Variants in CHRDL2 observed in about 807,000 individuals in gnomAD.
CHRDL2 encodes the protein chordin like 2, also known as chordin-like protein 2.
Under a neutral mutation model 54.3 loss-of-function variants are expected in CHRDL2, and 41 were observed. That is an observed-to-expected ratio of 0.76 (90% confidence interval 0.59 to 0.98). The LOEUF (loss-of-function observed/expected upper bound fraction) is 0.98. Among genes scored for constraint, CHRDL2 ranks in the 50% least tolerant of loss-of-function variants. The probability of loss-of-function intolerance (pLI) is 0.00; values close to 1 mark genes in which losing one functional copy is unlikely to be tolerated. For synonymous variants in CHRDL2, 220 were observed against 224.3 expected (o/e 0.98, Z 0.17); for missense variants, 518 against 562.4 (o/e 0.92, Z 0.80).
chr11:74,723,829 A>C (rs1031818853), intron 1 of CHRDL2, among the ~76,000 whole-genome samples: 1 of 152,254 alleles, frequency 6.6e-6, no homozygotes, highest in African/African-American at 2.4e-5. Flanking sequence ...TTTAAAACGT[A>C]TGAATTCTTT....
chr11:74,696,529 C>T lies in CHRDL2; in HGVS notation c.1270G>A (p.Asp424Asn), dbSNP rs2033594643. ...TLELKVTASP[D>N]KVTKT ...CTTTGTTATGTCTTGGTCACTTTGT[C>T]TGGACTGGCCGTGACCTTCAGCTCC... Residue 424 changes from aspartate to asparagine, a missense_variant, in exon 11 of 11, where the codon GAC (aspartate) becomes AAC (asparagine). Asp to Asn is a conservative substitution (Grantham distance 23). Coordinates refer to ENST00000376332, the MANE Select transcript of CHRDL2 (RefSeq NM_001278473.3). The T allele has an allele frequency of 6.2e-7, 1 of 1,613,806 alleles. No individual in the cohort carries two copies. The highest frequency in any genetic ancestry group is 1.3e-5 in the African/African-American group (1 of 74,930).
At chr11:74,711,809 CCTTTTTTT>C (rs1217401871) in intron 3 of CHRDL2, among the ~76,000 whole-genome samples, 1 of 150,020 alleles carries the variant, frequency 6.7e-6, no homozygotes, top group Non-Finnish European at 1.5e-5. Flanking sequence ...AATTTTTTTT[CCTTTTTTT>C]CTTTTTTTTT....
chr11:74,722,060 G>A (rs1441218312), intron 1 of CHRDL2, among the ~76,000 whole-genome samples: 1 of 152,136 alleles, frequency 6.6e-6, no homozygotes, highest in African/African-American at 2.4e-5. Flanking sequence ...GCTCTCAGAG[G>A]CTCCAAAGTG....
intron 1 of CHRDL2, among the ~76,000 whole-genome samples, chr11:74,721,752 G>C (rs1157860780): frequency 6.6e-6 from 1 of 152,270 alleles, no homozygotes; most frequent in African/African-American, 2.4e-5. Context: ...GTGACATTCA[G>C]AGACTCATCC....
intron 9 of CHRDL2, chr11:74,701,530 G>C: frequency 1.4e-6 from 1 of 709,462 alleles, no homozygotes. Context: ...GCAGAGTAGA[G>C]CAGGGAAAGA....
At position 74,726,551 on chromosome 11, in the gene CHRDL2, CA is replaced by C. The variant is rs371944915; in HGVS notation, c.82+4255del. ...GAAATGATCTCTGTACTACACCTCC[CA>C]GGGGCACCGCTGTCATGCCAGTCCT... On this transcript the variant is annotated intron_variant, in intron 1 of 10. Transcript: ENST00000376332. Among the ~76,000 whole-genome samples the C allele has an allele frequency of 2.8e-3, 434 of 152,312 alleles. 1 individual carries two copies. The highest frequency in any genetic ancestry group is 0.01 in the African/African-American group (421 of 41,572).
chr11:74,720,082 A>G (rs2034468907), intron 1 of CHRDL2, among the ~76,000 whole-genome samples: 1 of 152,216 alleles, frequency 6.6e-6, no homozygotes. Context: ...AATGAGATTG[A>G]AATATGGAGA....
At chr11:74,717,601 G>T (rs2034396302) in intron 2 of CHRDL2, among the ~76,000 whole-genome samples, 1 of 152,134 alleles carries the variant, frequency 6.6e-6, no homozygotes, top group South Asian at 2.1e-4. Flanking sequence ...CCCAGGAGGA[G>T]TGAGACCCCA....
intron 1 of CHRDL2, among the ~76,000 whole-genome samples, chr11:74,730,144 T>G (rs1591373831): frequency 6.6e-6 from 1 of 152,270 alleles, no homozygotes; most frequent in African/African-American, 2.4e-5. Context: ...GCTGGGATGG[T>G]GAAGACGCTG....
chr11:74,703,640 G>T, intron 7 of CHRDL2, 141 bp from the exon 8 acceptor site: 1 of 687,114 alleles, frequency 1.5e-6, no homozygotes. Flanking sequence ...CAAAGCATAG[G>T]CCAGGGTATA....
At chr11:74,701,603 C>T in intron 9 of CHRDL2, 1 of 717,754 alleles carries the variant, frequency 1.4e-6, no homozygotes, top group South Asian at 1.5e-5. Context: ...GGCTGTGTGG[C>T]CTTGGGCCAG....
intron 2 of CHRDL2, among the ~76,000 whole-genome samples, chr11:74,714,545 C>T (rs150190052): frequency 2.6e-5 from 4 of 152,344 alleles, no homozygotes; most frequent in African/African-American, 7.2e-5. Flanking sequence ...ACTGGCCCTA[C>T]GCCTTCTGGG....
At chr11:74,715,920 G>C (rs982392982) in intron 2 of CHRDL2, among the ~76,000 whole-genome samples, 1 of 152,136 alleles carries the variant, frequency 6.6e-6, no homozygotes, top group Non-Finnish European at 1.5e-5. Context: ...AGAGTTTGCA[G>C]TGAGCCGAGA....
At chr11:74,719,419 C>CACACAT (rs2034454054) in intron 1 of CHRDL2, 1 of 146,866 alleles carries the variant, frequency 6.8e-6, no homozygotes, top group African/African-American at 2.5e-5. Context: ...CACACACACA[C>CACACAT]ACACGTGTAC....
chr11:74,718,061 A>G (rs1375971635), intron 2 of CHRDL2, among the ~76,000 whole-genome samples: 2 of 152,104 alleles, frequency 1.3e-5, no homozygotes, highest in African/African-American at 4.8e-5. Flanking sequence ...GAGATGGAAA[A>G]CAAAAACATG....
At chr11:74,723,283 C>G (rs1464930528) in intron 1 of CHRDL2, among the ~76,000 whole-genome samples, 1 of 152,144 alleles carries the variant, frequency 6.6e-6, no homozygotes, top group African/African-American at 2.4e-5. Flanking sequence ...GAGTGTGCGG[C>G]ACTTGGCATA....
intron 2 of CHRDL2, among the ~76,000 whole-genome samples, chr11:74,716,443 G>C (rs2034353883): frequency 6.6e-6 from 1 of 150,966 alleles, no homozygotes; most frequent in African/African-American, 2.4e-5. Flanking sequence ...GCTGAGGCAG[G>C]AGCATCGCTT....
intron 1 of CHRDL2, among the ~76,000 whole-genome samples, chr11:74,724,535 C>A (rs1199579890): frequency 1.3e-5 from 2 of 152,346 alleles, no homozygotes; most frequent in South Asian, 4.1e-4. Flanking sequence ...TTCAGCCTCA[C>A]CTCCTCTTGC....
Position 74,730,845 on chromosome 11 carries a change from G to A in CHRDL2, c.44C>T (p.Ala15Val), listed in dbSNP as rs573320094. ...VRVLSSLLGL[A>V]LLWFPLDSHA... Reference sequence around the variant, plus strand: ...GGAGTCCAGGGGGAACCAGAGCAGCGCGAGTCCCAGCAAGGAGGAGAGGAC... The same window carrying A: ...GGAGTCCAGGGGGAACCAGAGCAGCACGAGTCCCAGCAAGGAGGAGAGGAC... The change falls in exon 1 of 11, where the codon GCG (alanine) becomes GTG (valine). Residue 15 changes from alanine (A) to valine (V), a missense_variant. Ala to Val is a moderately conservative substitution (Grantham distance 64). Coordinates refer to ENST00000376332, the MANE Select transcript of CHRDL2 (RefSeq NM_001278473.3). 1.2e-6 allele frequency: 2 copies of A among 1,612,896 alleles called. No homozygotes were observed. Among genetic ancestry groups the A allele is most frequent in the Non-Finnish European group, 1.7e-6 (2 of 1,179,678 alleles).
Sources: allele counts gnomAD v4.1 joint callset (sites outside exome capture counted in the v4.1 genomes callset), GRCh38; gene constraint gnomAD v4.1.1; transcripts MANE v1.5; gene names NCBI Gene and HGNC (gene_info 2026-07-23, HGNC 2026-07-21).